Variants in TGIF1 observed in about 807,000 individuals in gnomAD.
TGIF1 encodes homeobox protein TGIF1.
In TGIF1, 4 loss-of-function variants were observed where a neutral mutation model predicts 19.3. That is an observed-to-expected ratio of 0.21 (90% CI 0.10 to 0.47). The LOEUF (loss-of-function observed/expected upper bound fraction) is 0.47. Among genes scored for constraint, TGIF1 ranks in the 20% least tolerant of loss-of-function variants. The probability of loss-of-function intolerance (pLI) is 0.98; values close to 1 mark genes in which losing one functional copy is unlikely to be tolerated. For synonymous variants in TGIF1, 122 were observed against 129.3 expected (o/e 0.94, Z 0.38); for missense variants, 275 against 341.4 (o/e 0.81, Z 1.53).
At chr18:3,426,166 CTTTTTTT>C (rs10675936) in intron 2 of TGIF1, among the ~76,000 whole-genome samples, 2 of 116,612 alleles carry the variant, frequency 1.7e-5, no homozygotes, top group Non-Finnish European at 3.4e-5. Flanking sequence ...GGCTAGGGTC[CTTTTTTT>C]TTTTTTTTTT....
intron 1 of TGIF1, chr18:3,415,567 G>A (rs2082321798): frequency 3.6e-6 from 1 of 274,420 alleles, no homozygotes; most frequent in African/African-American, 2.2e-5. Context: ...TCCAGCTCCA[G>A]CCTAGGGCGG....
At chr18:3,432,294 G>A (rs2082559480) in intron 2 of TGIF1, among the ~76,000 whole-genome samples, 1 of 152,142 alleles carries the variant, frequency 6.6e-6, no homozygotes, top group South Asian at 2.1e-4. Context: ...AAATGCCAAG[G>A]TCCTGAACGA....
At chr18:3,453,907 A>G in intron 1 of TGIF1, 1 of 919,650 alleles carries the variant, frequency 1.1e-6, no homozygotes, top group South Asian at 5.0e-5. Context: ...AAACTTTTCA[A>G]AAGCGCTGTT....
chr18:3,438,174 A>G (rs529444165), intron 2 of TGIF1, among the ~76,000 whole-genome samples: 19 of 152,314 alleles, frequency 1.2e-4, no homozygotes, highest in African/African-American at 4.1e-4. Flanking sequence ...GATAGAATCA[A>G]TATATCATTT....
At chr18:3,423,101 A>G (rs1229236565) in intron 2 of TGIF1, among the ~76,000 whole-genome samples, 1 of 152,160 alleles carries the variant, frequency 6.6e-6, no homozygotes, top group East Asian at 1.9e-4. Context: ...CATCACTCCT[A>G]GTAGCATAGA....
At chr18:3,437,571 G>A (rs894598905) in intron 2 of TGIF1, among the ~76,000 whole-genome samples, 2 of 152,174 alleles carry the variant, frequency 1.3e-5, no homozygotes, top group East Asian at 3.8e-4. Flanking sequence ...AGTTATATTA[G>A]AGAGAAAGCT....
At chr18:3,454,088 C>T (rs760703852) in intron 1 of TGIF1, among the ~76,000 whole-genome samples, 10 of 152,198 alleles carry the variant, frequency 6.6e-5, no homozygotes, top group Non-Finnish European at 1.5e-4. Context: ...CCTGTTACTT[C>T]AGCTTTTGTG....
At chr18:3,419,755 C>T (rs1031885442) in intron 2 of TGIF1, among the ~76,000 whole-genome samples, 1 of 152,220 alleles carries the variant, frequency 6.6e-6, no homozygotes, top group Non-Finnish European at 1.5e-5. Flanking sequence ...CCTGTAATCC[C>T]AGCACTGTGG....
At chr18:3,416,947 C>T (rs995093391) in intron 1 of TGIF1, among the ~76,000 whole-genome samples, 1 of 151,498 alleles carries the variant, frequency 6.6e-6, no homozygotes. Context: ...ACAACAACAA[C>T]AAAAAAAAGA....
intron 1 of TGIF1, chr18:3,452,012 G>C (rs749327329): frequency 6.2e-7 from 1 of 1,607,708 alleles, no homozygotes; most frequent in Non-Finnish European, 8.5e-7. Context: ...TGTCTGCCGG[G>C]GTGGGCTCCC....
In TGIF1 at chr18:3,456,795, G is replaced by C; in HGVS notation, c.243+215G>C. 1.5e-6 allele frequency: 1 copy of C among 663,066 alleles called. No homozygotes were observed. 41.1% of individuals were successfully genotyped at this position (663,066 alleles called of 1,614,324 possible). On this transcript the variant is annotated intron_variant, in intron 2 of 2. Coordinates refer to ENST00000343820, the MANE Select transcript of TGIF1 (RefSeq NM_003244.4). This position sits in a 1 kb window ranked among gnomAD's most constrained non-coding sequence, Gnocchi z 4.2. ...TCTATCAGATAGCATTTCCTTTAAT[G>C]CCTAAAAGAACCTTCCTTTATGCAA...
intron 2 of TGIF1, among the ~76,000 whole-genome samples, chr18:3,419,836 C>A (rs2082378083): frequency 6.6e-6 from 1 of 151,876 alleles, no homozygotes. Context: ...CAAAACCCCT[C>A]CTCTACTAAA....
intron 2 of TGIF1, among the ~76,000 whole-genome samples, chr18:3,426,916 C>CTTTTT (rs545236407): frequency 1.0e-5 from 1 of 100,064 alleles, no homozygotes; most frequent in Admixed American, 1.1e-4. Flanking sequence ...AGGATGATCT[C>CTTTTT]TTTTTTTTTT....
chr18:3,453,461 C>T (rs1382032724), intron 1 of TGIF1, among the ~76,000 whole-genome samples: 2 of 151,828 alleles, frequency 1.3e-5, no homozygotes, highest in Non-Finnish European at 2.9e-5. Flanking sequence ...CCTAGGCGAG[C>T]AGATCATCTG....
Position 3,451,339 on chromosome 18 carries a change from C to A in TGIF1, c.16+834C>A. ...GTCAGTTTGGTTTAAAAACAAAATACACCGGAGGGGGACGGGGGGTGGAGA... is the reference window on the plus strand; with the variant it reads ...GTCAGTTTGGTTTAAAAACAAAATAAACCGGAGGGGGACGGGGGGTGGAGA... On this transcript the variant is annotated intron_variant, in intron 1 of 2. Transcript: ENST00000343820. The surrounding 1 kb of genome is among the most constrained non-coding windows in gnomAD (Gnocchi z 5.4). 1.0e-6 allele frequency: 1 copy of A among 984,962 alleles called. No individual in the cohort carries two copies. The highest frequency in any genetic ancestry group is 1.2e-6 in the Non-Finnish European group (1 of 829,522). 61.0% of individuals were successfully genotyped at this position (984,962 alleles called of 1,614,324 possible).
At chr18:3,433,775 CAGATGAAAAG>C (rs1470077396) in intron 2 of TGIF1, among the ~76,000 whole-genome samples, 10 of 152,190 alleles carry the variant, frequency 6.6e-5, no homozygotes, top group African/African-American at 2.2e-4. Flanking sequence ...TAAGTTTTGC[CAGATGAAAAG>C]AGTTCTGAAA....
At chr18:3,453,892 C>A in intron 1 of TGIF1, 2 of 963,172 alleles carry the variant, frequency 2.1e-6, no homozygotes, top group African/African-American at 1.8e-5. Context: ...CAAGTCTTAA[C>A]CGGGAAACTT....
intron 1 of TGIF1, among the ~76,000 whole-genome samples, chr18:3,417,662 G>A (rs2082350475): frequency 1.3e-5 from 2 of 151,796 alleles, no homozygotes; most frequent in Admixed American, 6.6e-5. Context: ...ATCTATCATT[G>A]AGATCACACA....
At chr18:3,414,287 G>T (rs2082304317) in intron 1 of TGIF1, among the ~76,000 whole-genome samples, 1 of 152,118 alleles carries the variant, frequency 6.6e-6, no homozygotes, top group Admixed American at 6.6e-5. Context: ...TGGAAATAAT[G>T]ATCACAATAA....
Sources: allele counts gnomAD v4.1 joint callset (sites outside exome capture counted in the v4.1 genomes callset), GRCh38; gene constraint gnomAD v4.1.1; non-coding constraint Gnocchi (gnomAD v3.1); transcripts MANE v1.5; gene names NCBI Gene and HGNC (gene_info 2026-07-23, HGNC 2026-07-21).